SRRM3: variants seen among roughly 807,000 people sequenced by gnomAD.
SRRM3 encodes serine/arginine repetitive matrix 3, also known as serine/arginine repetitive matrix protein 3.
In SRRM3, 27 loss-of-function variants were observed where a neutral mutation model predicts 66.2. The ratio of observed to expected loss-of-function variants is 0.41; its 90% CI spans 0.30 to 0.56. The LOEUF is 0.56. Among genes scored for constraint, SRRM3 ranks in the 20% least tolerant of loss-of-function variants. SRRM3 has a pLI of 0.32. For synonymous variants in SRRM3, 391 were observed against 414.9 expected, an observed-to-expected ratio of 0.94 and a Z score of 0.70; for missense variants, 918 against 991.9, an observed-to-expected ratio of 0.93 and a Z score of 1.00.
intron 1 of SRRM3, among the ~76,000 whole-genome samples, chr7:76,208,953 G>T: frequency 6.6e-6 from 1 of 151,964 alleles, no homozygotes; most frequent in East Asian, 1.9e-4. Flanking sequence ...GAAAACATTA[G>T]CCGAGCATGG....
intron 1 of SRRM3, among the ~76,000 whole-genome samples, chr7:76,229,129 A>C (rs763687156): frequency 6.6e-6 from 1 of 151,910 alleles, no homozygotes; most frequent in Non-Finnish European, 1.5e-5. Context: ...CGATCTCCTG[A>C]CCTCGTGATC....
chr7:76,213,166 C>G (rs782741115), intron 1 of SRRM3, among the ~76,000 whole-genome samples: 7 of 151,856 alleles, frequency 4.6e-5, no homozygotes, highest in African/African-American at 1.7e-4. Flanking sequence ...ACTGCCACCA[C>G]GCCCAGCTAA....
intron 2 of SRRM3, among the ~76,000 whole-genome samples, chr7:76,235,563 C>A (rs1554604777): frequency 6.6e-6 from 1 of 152,122 alleles, no homozygotes; most frequent in Non-Finnish European, 1.5e-5. Context: ...AAAGTAATCA[C>A]GGTTTTTGCC....
At chr7:76,256,340 C>G (rs1463938964) in intron 3 of SRRM3, among the ~76,000 whole-genome samples, 4 of 152,056 alleles carry the variant, frequency 2.6e-5, no homozygotes, top group African/African-American at 7.2e-5. Flanking sequence ...AACCCCGTCT[C>G]TACTAAAAAT....
At chr7:76,227,637 A>G (rs782027533) in intron 1 of SRRM3, among the ~76,000 whole-genome samples, 2 of 152,052 alleles carry the variant, frequency 1.3e-5, no homozygotes, top group Non-Finnish European at 2.9e-5. Context: ...TTATCACACT[A>G]TGCTGCTGTT....
At chr7:76,211,281 G>A (rs1042172326) in intron 1 of SRRM3, among the ~76,000 whole-genome samples, 2 of 152,200 alleles carry the variant, frequency 1.3e-5, no homozygotes, top group African/African-American at 4.8e-5. Context: ...GAGGCACAAG[G>A]AGGCAGGGTG....
chr7:76,210,766 G>T (rs1583864406), intron 1 of SRRM3, among the ~76,000 whole-genome samples: 1 of 151,910 alleles, frequency 6.6e-6, no homozygotes, highest in Non-Finnish European at 1.5e-5. Context: ...CTAAAAAAAT[G>T]GGAGGAGCAG....
Position 76,209,344 on chromosome 7 carries a change from G to A in SRRM3, c.-40+7277G>A, listed in dbSNP as rs538779351. On this transcript the variant is annotated intron_variant, in intron 1 of 14. Coordinates refer to ENST00000611745, the MANE Select transcript of SRRM3 (RefSeq NM_001110199.3). Reference sequence around the variant, plus strand: ...ACTGAGGTTCTGCTAGAACTAAGTCGTCCAAAGTGATATGGAGCATCAGAG... The same window carrying A: ...ACTGAGGTTCTGCTAGAACTAAGTCATCCAAAGTGATATGGAGCATCAGAG... Among the ~76,000 whole-genome samples the A allele has an allele frequency of 1.5e-4, 23 of 152,270 alleles. No homozygotes were observed. The South Asian group carries it at 3.3e-3, about 22-fold the overall frequency.
rs1802669710 is a variant in SRRM3 at position 76,286,162 on chromosome 7, G to A, written c.*319G>A. On this transcript the variant is annotated 3_prime_UTR_variant, in exon 15 of 15. Transcript: ENST00000611745. ...GCTGATGCCAACTCACCAGGCTTGG[G>A]ACTGCTGCCGGTGGATGGTACCAGA... The A allele has an allele frequency of 2.2e-6, 1 of 447,474 alleles. No homozygotes were observed. Among genetic ancestry groups the A allele is most frequent in the Non-Finnish European group, 4.2e-6 (1 of 238,540 alleles). 27.7% of individuals were successfully genotyped at this position (447,474 alleles called of 1,614,324 possible). A position where few individuals can be genotyped will look rare whatever the true frequency, so the allele number is the denominator to read the frequency against.
intron 11 of SRRM3, among the ~76,000 whole-genome samples, chr7:76,272,477 A>G (rs1464088778): frequency 6.6e-6 from 1 of 152,032 alleles, no homozygotes; most frequent in Non-Finnish European, 1.5e-5. Context: ...CTGAGGTGGG[A>G]GGATCACTTG....
At chr7:76,219,467 C>T (rs1335644357) in intron 1 of SRRM3, among the ~76,000 whole-genome samples, 1 of 152,222 alleles carries the variant, frequency 6.6e-6, no homozygotes, top group Non-Finnish European at 1.5e-5. Context: ...AGCCGGCTTT[C>T]TCTTTGATCT....
chr7:76,275,629 C>T (rs1425838075), intron 11 of SRRM3, among the ~76,000 whole-genome samples: 1 of 151,956 alleles, frequency 6.6e-6, no homozygotes, highest in Admixed American at 6.6e-5. Context: ...CAGGGACCCA[C>T]GAGTTGGGTG....
chr7:76,264,608 G>A (rs940811138), intron 8 of SRRM3, among the ~76,000 whole-genome samples, 157 bp from the exon 9 acceptor site: 1 of 152,168 alleles, frequency 6.6e-6, no homozygotes, highest in Non-Finnish European at 1.5e-5. Flanking sequence ...AAGGGACAAA[G>A]GGGTGGAGTA....
At chr7:76,250,376 C>T (rs1053671196) in intron 3 of SRRM3, among the ~76,000 whole-genome samples, 5 of 152,256 alleles carry the variant, frequency 3.3e-5, no homozygotes, top group Admixed American at 1.3e-4. Flanking sequence ...GGATTGCAGG[C>T]GCCCACCATG....
intron 10 of SRRM3, among the ~76,000 whole-genome samples, chr7:76,266,537 A>G (rs181517398): frequency 0.11 from 11,853 of 111,098 alleles, 769 homozygotes; most frequent in East Asian, 0.23. Context: ...TATTTAATAT[A>G]TAAATATTTA....
intron 1 of SRRM3, among the ~76,000 whole-genome samples, chr7:76,231,825 T>G (rs531498082): frequency 5.3e-4 from 81 of 152,228 alleles, no homozygotes; most frequent in African/African-American, 1.9e-3. Context: ...GGAGGTGATT[T>G]TTGGGCTGGG....
chr7:76,228,629 A>C (rs1554603964), intron 1 of SRRM3, among the ~76,000 whole-genome samples: 1 of 152,060 alleles, frequency 6.6e-6, no homozygotes, highest in Non-Finnish European at 1.5e-5. Flanking sequence ...GAGGCTAAGA[A>C]AGGAGAATCA....
At chr7:76,240,406 G>C (rs1248654591) in intron 2 of SRRM3, among the ~76,000 whole-genome samples, 2 of 152,038 alleles carry the variant, frequency 1.3e-5, no homozygotes, top group African/African-American at 2.4e-5. Flanking sequence ...AGATCACGAG[G>C]TCAGGAGATC....
Position 76,282,824 on chromosome 7 carries a change from G to C in SRRM3, c.1547G>C (p.Arg516Pro). Residue 516 changes from arginine (R) to proline (P), a missense_variant, in exon 13 of 15, where the codon CGG becomes CCG. Arg to Pro is a moderately radical substitution (Grantham distance 103, BLOSUM62 -2). Transcript: ENST00000611745. ...SKSRSRSAEK[R>P]PHSPSRSPSP... Reference sequence around the variant, plus strand: ...TCTCGCTCGCGCTCTGCGGAGAAGCGGCCCCACAGCCCCAGCCGCTCGCCG... The same window carrying C: ...TCTCGCTCGCGCTCTGCGGAGAAGCCGCCCCACAGCCCCAGCCGCTCGCCG... The C allele has an allele frequency of 6.8e-7, 1 of 1,462,384 alleles. No homozygotes were observed. 90.6% of individuals were successfully genotyped at this position (1,462,384 alleles called of 1,614,324 possible).
Sources: gnomAD v4.1 joint callset for allele counts (sites outside exome capture counted in the v4.1 genomes callset) on GRCh38, gnomAD v4.1.1 for gene constraint, MANE v1.5 for transcripts, NCBI Gene and HGNC (gene_info 2026-07-23, HGNC 2026-07-21) for gene names.